CDCA7: variants seen among roughly 807,000 people sequenced by gnomAD.
The protein encoded by CDCA7 is cell division cycle-associated protein 7.
Under a neutral mutation model 54.0 loss-of-function variants are expected in CDCA7, and 28 were observed. The ratio of observed to expected loss-of-function variants is 0.52; its 90% CI spans 0.38 to 0.71. CDCA7 has a LOEUF of 0.71. CDCA7 is among the 30% of genes least tolerant of loss of function. The pLI, the probability that CDCA7 is intolerant of heterozygous loss-of-function variation, is 0.00. For missense variants in CDCA7, 484 were observed against 586.0 expected (o/e 0.83, Z 1.80); for synonymous variants, 180 against 208.2 (o/e 0.86, Z 1.16).
chr2:173,360,553 A>T (rs1022108512), intron 3 of CDCA7, among the ~76,000 whole-genome samples: 2 of 152,100 alleles, frequency 1.3e-5, no homozygotes, highest in Admixed American at 1.3e-4. Context: ...ATCATGGCTC[A>T]CTGCAGCCTC....
In CDCA7 at chr2:173,364,800, A is replaced by T; in HGVS notation, c.705A>T (p.Ser235=). 1 of 1,602,704 alleles carries T rather than the reference A, an allele frequency of 6.2e-7. No homozygotes were observed. The highest frequency in any genetic ancestry group is 8.5e-7 in the Non-Finnish European group (1 of 1,176,604). The change falls in exon 6 of 10, where the codon TCA becomes TCT. Residue 235 remains serine, a synonymous_variant. Coordinates refer to ENST00000306721, the MANE Select transcript of CDCA7 (RefSeq NM_031942.5). ...RHPLPGSDSQ[S]RRPRRRTFPG... is the part of the protein sequence containing the mutation. ...CTTATACGTGCTTTGTTTAGCAATC[A>T]AGGAGACCGCGAAGGCGTACATTCC... is the stretch of plus-strand genomic sequence containing the variant.
chr2:173,363,949 G>C (rs989767402), intron 5 of CDCA7, 54 bp downstream of exon 5: 1 of 1,464,298 alleles, frequency 6.8e-7, no homozygotes, highest in Non-Finnish European at 9.5e-7. Context: ...ACCTAAGGTC[G>C]ATCTGTGTTG....
intron 1 of CDCA7, among the ~76,000 whole-genome samples, chr2:173,355,324 A>G (rs1219657345): frequency 6.6e-6 from 1 of 152,130 alleles, no homozygotes; most frequent in Non-Finnish European, 1.5e-5. Context: ...CCTGCCAGGC[A>G]GAGCCAGCCT....
chr2:173,359,538 A>C lies in CDCA7; in HGVS notation c.384+47A>C, dbSNP rs200757855. On this transcript the variant is annotated intron_variant, in intron 3 of 9. Coordinates refer to ENST00000306721, the MANE Select transcript of CDCA7 (RefSeq NM_031942.5). ...GTTTCAAGAAGTAAGATACATTTAGAGGCATGACATATTTTTAGAAATTTT... is the reference window on the plus strand; with the variant it reads ...GTTTCAAGAAGTAAGATACATTTAGCGGCATGACATATTTTTAGAAATTTT... 3 of 1,481,410 alleles carry C rather than the reference A, an allele frequency of 2.0e-6. No individual in the cohort carries two copies. In the African/African-American group the frequency reaches 4.2e-5, roughly 21 times the overall value. 91.8% of individuals were successfully genotyped at this position (1,481,410 alleles called of 1,614,324 possible). A position where few individuals can be genotyped will look rare whatever the true frequency, so the allele number is the denominator to read the frequency against.
At chr2:173,362,413 A>G (rs1349209799) in intron 3 of CDCA7, among the ~76,000 whole-genome samples, 1 of 152,218 alleles carries the variant, frequency 6.6e-6, no homozygotes, top group Non-Finnish European at 1.5e-5. Context: ...AACAATGTGC[A>G]TGTATTTAAT....
intron 1 of CDCA7, 71 bp from the exon 2 acceptor site, chr2:173,358,640 TA>T (rs918503928): frequency 8.8e-4 from 1,311 of 1,482,980 alleles, no homozygotes; most frequent in South Asian, 1.9e-3. Context: ...CCTACTAAAC[TA>T]AAAAAAAATG....
At chr2:173,361,826 G>A (rs1558948839) in intron 3 of CDCA7, among the ~76,000 whole-genome samples, 1 of 151,578 alleles carries the variant, frequency 6.6e-6, no homozygotes, top group East Asian at 1.9e-4. Flanking sequence ...TTATTTTTCG[G>A]AGACGGAGTC....
chr2:173,355,020 C>A, intron 1 of CDCA7, 36 bp downstream of exon 1: 1 of 1,362,052 alleles, frequency 7.3e-7, no homozygotes, highest in Non-Finnish European at 9.4e-7. Context: ...GGGGCGGGCG[C>A]GGTGGGTGCT....
At chr2:173,362,292 CA>C (rs1337581436) in intron 3 of CDCA7, among the ~76,000 whole-genome samples, 1 of 152,000 alleles carries the variant, frequency 6.6e-6, no homozygotes, top group Non-Finnish European at 1.5e-5. Context: ...TGATGGTTGC[CA>C]GGGGCGGAGG....
At position 173,367,707 on chromosome 2, in the gene CDCA7, T is replaced by C; in HGVS notation, c.*43T>C. On this transcript the variant is annotated 3_prime_UTR_variant, in exon 10 of 10. Transcript: ENST00000306721. The stretch of plus-strand genomic sequence containing the variant: ...GCCTGCCTTCTACTTCTCAAATCTT[T>C]CTTGTAAAAGTTTCCAATTTTTTCA... 6.2e-7 allele frequency: 1 copy of C among 1,609,932 alleles called. No homozygotes were observed. The highest frequency in any genetic ancestry group is 8.5e-7 in the Non-Finnish European group (1 of 1,176,954).
At chr2:173,355,040 C>G in intron 1 of CDCA7, 56 bp downstream of exon 1, 2 of 1,296,230 alleles carry the variant, frequency 1.5e-6, no homozygotes, top group Non-Finnish European at 1.9e-6. Flanking sequence ...TGGACGCAGG[C>G]GGGCGCGGGC....
rs566320596 is a variant in CDCA7, at chr2:173,355,047, G to T, written c.21+63G>T. 5,015 of 1,285,772 alleles carry T rather than the reference G, an allele frequency of 3.9e-3. 7 individuals are homozygous for T. Among genetic ancestry groups the T allele is most frequent in the Non-Finnish European group, 4.5e-3 (4,628 of 1,019,538 alleles). 79.6% of individuals were successfully genotyped at this position (1,285,772 alleles called of 1,614,324 possible). On this transcript the variant is annotated intron_variant, in intron 1 of 9. Transcript: ENST00000306721. The stretch of plus-strand genomic sequence containing the variant: ...GTGGGTGCTGGACGCAGGCGGGCGC[G>T]GGCCGACCCTCTCCAACTCCGCAGC...
chr2:173,358,647 AAAT>A, intron 1 of CDCA7, 62 bp from the exon 2 acceptor site: 1 of 1,557,434 alleles, frequency 6.4e-7, no homozygotes, highest in East Asian at 2.3e-5. Flanking sequence ...AACTAAAAAA[AAAT>A]GATGTCTTTA....
rs535735728 is a variant in CDCA7, at chr2:173,368,421, T to C, written c.*757T>C. 3 of 152,340 alleles carry C rather than the reference T, an allele frequency of 2.0e-5. No homozygotes were observed. The highest frequency in any genetic ancestry group is 2.9e-5 in the Non-Finnish European group (2 of 68,034). The allele number at this position is 152,340 out of a possible 1,614,324, so 9.4% of individuals were successfully genotyped here. On this transcript the variant is annotated 3_prime_UTR_variant, in exon 10 of 10. Coordinates refer to ENST00000306721, the MANE Select transcript of CDCA7 (RefSeq NM_031942.5). ...GATTTGAATTTTCAGTATAAAACTTTAGTATAATTGTAGTTTGCAAAGTTT... is the reference window on the plus strand; with the variant it reads ...GATTTGAATTTTCAGTATAAAACTTCAGTATAATTGTAGTTTGCAAAGTTT...
At position 173,368,648 on chromosome 2, in the gene CDCA7, C is replaced by T. The variant is rs1296756052; in HGVS notation, c.*984C>T. The T allele has an allele frequency of 2.0e-5, 3 of 150,958 alleles. No homozygotes were observed. The highest frequency in any genetic ancestry group is 1.3e-4 in the Admixed American group (2 of 15,236). 9.4% of individuals were successfully genotyped at this position (150,958 alleles called of 1,614,324 possible). A position where few individuals can be genotyped will look rare whatever the true frequency, so the allele number is the denominator to read the frequency against. On this transcript the variant is annotated 3_prime_UTR_variant, in exon 10 of 10. Coordinates refer to ENST00000306721, the MANE Select transcript of CDCA7 (RefSeq NM_031942.5). ...ATGTAACTTTTAGCAGTTTGTTAAC[C>T]TGACATCTCTGCCAGTCTAGTTTCT...
chr2:173,355,010 G>C (rs1035917322), intron 1 of CDCA7, 26 bp downstream of exon 1: 3 of 1,370,400 alleles, frequency 2.2e-6, no homozygotes, highest in Non-Finnish European at 2.8e-6. Flanking sequence ...GCGAACCCGA[G>C]GGGCGGGCGC....
At chr2:173,356,807 C>CA (rs1199785149) in intron 1 of CDCA7, among the ~76,000 whole-genome samples, 1 of 152,190 alleles carries the variant, frequency 6.6e-6, no homozygotes, top group Non-Finnish European at 1.5e-5. Context: ...CCTACACATA[C>CA]ACCTAACCTT....
intron 3 of CDCA7, among the ~76,000 whole-genome samples, chr2:173,362,774 C>T (rs1406281622): frequency 6.6e-6 from 1 of 151,562 alleles, no homozygotes; most frequent in Non-Finnish European, 1.5e-5. Context: ...GACGGGGTTT[C>T]ACCATGTTGC....
Position 173,359,432 on chromosome 2 carries a change from G to A in CDCA7, c.325G>A (p.Ala109Thr). The A allele has an allele frequency of 6.2e-7, 1 of 1,614,160 alleles. No individual in the cohort carries two copies. The change falls in exon 3 of 10, where the codon GCC becomes ACC. Residue 109 changes from alanine (A) to threonine (T), a missense_variant. By Grantham distance (58) the Ala-to-Thr change is moderately conservative. Around this residue, in one of 3 missense-constraint regions of CDCA7, gnomAD observed 398 missense variants for 447.4 expected, o/e 0.89. Coordinates refer to ENST00000306721, the MANE Select transcript of CDCA7 (RefSeq NM_031942.5). ...TAACGAACTGGCCGGTATTTTTCAT[G>A]CCGACTCTGACGATGAATCATTTTG... The part of the protein sequence containing the change: ...VTNELAGIFH[A>T]DSDDESFCGF...
Sources: gnomAD v4.1 joint callset for allele counts (sites outside exome capture counted in the v4.1 genomes callset) on GRCh38, gnomAD v4.1.1 for gene constraint, gnomAD v4.1.1 regional missense constraint, MANE v1.5 for transcripts, NCBI Gene and HGNC (gene_info 2026-07-23, HGNC 2026-07-21) for gene names.